The following BRINP1 variants were observed in gnomAD, a reference collection of about 807,000 sequenced individuals.
BRINP1 encodes the protein BMP/retinoic acid inducible neural specific 1.
In BRINP1, 17 loss-of-function variants were observed where a neutral mutation model predicts 72.9. The observed-to-expected ratio is 0.23, with a 90% confidence interval of 0.16 to 0.35. BRINP1 has a LOEUF of 0.35. Among genes scored for constraint, BRINP1 ranks in the 10% least tolerant of loss-of-function variants. The pLI is 1.00. For synonymous variants in BRINP1, 418 were observed against 378.5 expected, an observed-to-expected ratio of 1.10 and a Z score of -1.21; for missense variants, 850 against 1,001.6, an observed-to-expected ratio of 0.85 and a Z score of 2.04.
chr9:119,264,466 T>C (rs1240383186), intron 2 of BRINP1, among the ~76,000 whole-genome samples: 1 of 152,224 alleles, frequency 6.6e-6, no homozygotes, highest in Non-Finnish European at 1.5e-5. Context: ...TGAACCCCAC[T>C]GTCTATGAGA....
chr9:119,252,858 C>CT (rs1267895545), intron 2 of BRINP1, among the ~76,000 whole-genome samples: 16 of 152,096 alleles, frequency 1.1e-4, no homozygotes, highest in Non-Finnish European at 2.2e-4. Flanking sequence ...GACTCAATTC[C>CT]TTTTTTTGAA....
At chr9:119,189,161 GA>G (rs967645363) in intron 7 of BRINP1, among the ~76,000 whole-genome samples, 14 of 149,970 alleles carry the variant, frequency 9.3e-5, no homozygotes, top group Admixed American at 2.0e-4. Flanking sequence ...TAACTACAAA[GA>G]AAAAAAATAT....
intron 7 of BRINP1, among the ~76,000 whole-genome samples, chr9:119,188,393 G>C (rs1472512802): frequency 6.6e-6 from 1 of 152,124 alleles, no homozygotes; most frequent in Non-Finnish European, 1.5e-5. Flanking sequence ...ACCTAGCACA[G>C]AAATGAAGAG....
intron 1 of BRINP1, among the ~76,000 whole-genome samples, chr9:119,325,151 A>T (rs1038964350): frequency 1.3e-5 from 2 of 152,112 alleles, no homozygotes; most frequent in Admixed American, 1.3e-4. Flanking sequence ...AAAGAGAGAA[A>T]GAGGAGAGAG....
At chr9:119,175,026 G>C (rs554694406) in intron 7 of BRINP1, among the ~76,000 whole-genome samples, 3 of 148,682 alleles carry the variant, frequency 2.0e-5, no homozygotes, top group Non-Finnish European at 3.0e-5. Flanking sequence ...TAGATGACGA[G>C]TTAGTGGGTG....
chr9:119,366,181 G>C (rs985360025), intron 1 of BRINP1, among the ~76,000 whole-genome samples: 7 of 152,132 alleles, frequency 4.6e-5, no homozygotes, highest in Non-Finnish European at 8.8e-5. Flanking sequence ...GTGCACATGT[G>C]TGTATAAGCA....
intron 2 of BRINP1, among the ~76,000 whole-genome samples, chr9:119,296,020 A>C (rs1830873561): frequency 6.6e-6 from 1 of 152,190 alleles, no homozygotes; most frequent in Non-Finnish European, 1.5e-5. Context: ...CAGGAAACCA[A>C]AGCAAAAATA....
In BRINP1 at chr9:119,313,042, A is replaced by G. The variant is rs112809049; in HGVS notation, c.218+96T>C. The G allele has an allele frequency of 7.9e-6, 11 of 1,384,738 alleles. No homozygotes were observed. In the African/African-American group the frequency reaches 1.5e-4, roughly 18 times the overall value. 85.8% of individuals were successfully genotyped at this position (1,384,738 alleles called of 1,614,324 possible). A position where few individuals can be genotyped will look rare whatever the true frequency, so the allele number is the denominator to read the frequency against. ...GAAGGAGCACAGACCCTTGACCCAG[A>G]CACTTCTGCACACAGCAAGGTTTGC... On this transcript the variant is annotated intron_variant, in intron 2 of 7. Coordinates refer to ENST00000265922, the MANE Select transcript of BRINP1 (RefSeq NM_014618.3).
At chr9:119,365,861 A>G (rs970136710) in intron 1 of BRINP1, among the ~76,000 whole-genome samples, 1 of 152,066 alleles carries the variant, frequency 6.6e-6, no homozygotes, top group Non-Finnish European at 1.5e-5. Context: ...TGGGAGCTAA[A>G]GTGCCATCTA....
intron 2 of BRINP1, among the ~76,000 whole-genome samples, chr9:119,286,200 C>G (rs1336867913): frequency 6.6e-6 from 1 of 151,906 alleles, no homozygotes; most frequent in East Asian, 1.9e-4. Flanking sequence ...ATCTGCATAG[C>G]TGAGGGCATC....
intron 7 of BRINP1, among the ~76,000 whole-genome samples, chr9:119,185,074 C>T (rs1185908605): frequency 6.6e-6 from 1 of 152,108 alleles, no homozygotes; most frequent in Non-Finnish European, 1.5e-5. Flanking sequence ...GTCCATCTCA[C>T]AGTGGGTCCA....
At chr9:119,337,328 C>T (rs1831356969) in intron 1 of BRINP1, among the ~76,000 whole-genome samples, 1 of 152,182 alleles carries the variant, frequency 6.6e-6, no homozygotes, top group Non-Finnish European at 1.5e-5. Context: ...ATCGTAGGCA[C>T]AGGTCCCAGT....
intron 1 of BRINP1, among the ~76,000 whole-genome samples, chr9:119,360,839 TAG>T (rs1564257861): frequency 3.7e-4 from 56 of 152,324 alleles, no homozygotes; most frequent in African/African-American, 1.3e-3. Flanking sequence ...CAAAGGGTTC[TAG>T]CTGTTCACAT....
intron 1 of BRINP1, among the ~76,000 whole-genome samples, chr9:119,351,439 T>G (rs1422068873): frequency 6.6e-6 from 1 of 151,740 alleles, no homozygotes; most frequent in Non-Finnish European, 1.5e-5. Context: ...ATGAAATGGA[T>G]GCCAGGTTTG....
intron 1 of BRINP1, among the ~76,000 whole-genome samples, chr9:119,329,114 A>G (rs1287769676): frequency 1.3e-5 from 2 of 152,354 alleles, no homozygotes; most frequent in East Asian, 3.9e-4. Flanking sequence ...GACTCAATAA[A>G]GAAACAGATT....
intron 1 of BRINP1, among the ~76,000 whole-genome samples, chr9:119,327,379 A>T (rs777103276): frequency 6.6e-6 from 1 of 152,110 alleles, no homozygotes. Context: ...TTCCCCTCCT[A>T]TGTATGTCCA....
At chr9:119,357,984 T>A (rs372339583) in intron 1 of BRINP1, among the ~76,000 whole-genome samples, 1 of 152,270 alleles carries the variant, frequency 6.6e-6, no homozygotes, top group East Asian at 1.9e-4. Flanking sequence ...GCTGATAACA[T>A]ACACTGGGCT....
At chr9:119,274,998 C>A (rs958344611) in intron 2 of BRINP1, among the ~76,000 whole-genome samples, 1 of 152,040 alleles carries the variant, frequency 6.6e-6, no homozygotes, top group Non-Finnish European at 1.5e-5. Context: ...AATCACATCT[C>A]CTTTTATAAA....
At chr9:119,332,346 GA>G (rs769574601) in intron 1 of BRINP1, among the ~76,000 whole-genome samples, 5 of 152,166 alleles carry the variant, frequency 3.3e-5, no homozygotes, top group Admixed American at 6.5e-5. Context: ...GAATTTTGTA[GA>G]TGTTACCTCA....
Sources: allele counts gnomAD v4.1 joint callset (sites outside exome capture counted in the v4.1 genomes callset), GRCh38; gene constraint gnomAD v4.1.1; transcripts MANE v1.5; gene names NCBI Gene and HGNC (gene_info 2026-07-23, HGNC 2026-07-21).